PECAM1: variants seen among roughly 807,000 people sequenced by gnomAD.
PECAM1 encodes the protein platelet and endothelial cell adhesion molecule 1.
In PECAM1, 8 loss-of-function variants were observed where a neutral mutation model predicts 13.8. The observed-to-expected ratio is 0.58, with a 90% CI of 0.34 to 1.05. The LOEUF is 1.05. Ranked by LOEUF, PECAM1 falls within the 50% of genes least tolerant of loss-of-function variation. The pLI is 0.03. For missense variants in PECAM1, 304 were observed against 141.2 expected (o/e 2.15, Z -5.84); for synonymous variants, 136 against 52.6 (o/e 2.58, Z -6.86).
intron 2 of PECAM1, among the ~76,000 whole-genome samples, chr17:64,381,043 T>G (rs1294400241): frequency 1.3e-5 from 2 of 152,088 alleles, no homozygotes; most frequent in South Asian, 4.2e-4. Context: ...ATTTTACAAG[T>G]CAGCATAGTG....
chr17:64,390,035 C>CTCT (rs2036682186), intron 2 of PECAM1: 1 of 151,522 alleles, frequency 6.6e-6, no homozygotes, highest in Non-Finnish European at 1.5e-5. Context: ...GTAACAGAGA[C>CTCT]TCTGTCTCAA....
intron 14 of PECAM1, among the ~76,000 whole-genome samples, chr17:64,330,398 T>A (rs2035077067): frequency 6.6e-6 from 1 of 151,606 alleles, no homozygotes; most frequent in South Asian, 2.1e-4. Flanking sequence ...ATCCCAACAG[T>A]TGGAGAGGCT....
chr17:64,334,668 C>T (rs2035222104), intron 14 of PECAM1, among the ~76,000 whole-genome samples: 3 of 152,150 alleles, frequency 2.0e-5, no homozygotes, highest in Admixed American at 2.0e-4. Flanking sequence ...CCACCACGTC[C>T]AGCTAATTTT....
At chr17:64,377,332 G>A (rs2036382241) in intron 3 of PECAM1, among the ~76,000 whole-genome samples, 1 of 152,112 alleles carries the variant, frequency 6.6e-6, no homozygotes, top group South Asian at 2.1e-4. Flanking sequence ...TCTTGAAGAA[G>A]AAATTTTAAT....
At chr17:64,383,661 A>G (rs2036531326) in intron 2 of PECAM1, among the ~76,000 whole-genome samples, 1 of 152,116 alleles carries the variant, frequency 6.6e-6, no homozygotes, top group South Asian at 2.1e-4. Context: ...CCTCCCACTA[A>G]CCAGTCCTAG....
intron 13 of PECAM1, among the ~76,000 whole-genome samples, chr17:64,342,550 A>G (rs2143737306): frequency 6.6e-6 from 1 of 152,214 alleles, no homozygotes; most frequent in South Asian, 2.1e-4. Context: ...GGCTGTTTTC[A>G]CTGCTGGCTC....
chr17:64,361,609 T>A (rs2035981994), intron 6 of PECAM1, among the ~76,000 whole-genome samples: 3 of 151,364 alleles, frequency 2.0e-5, no homozygotes, highest in African/African-American at 7.3e-5. Flanking sequence ...CAAAATTAGC[T>A]GGGCAAGGTG....
chr17:64,386,474 G>A (rs1394881241), intron 2 of PECAM1, among the ~76,000 whole-genome samples: 1 of 151,572 alleles, frequency 6.6e-6, no homozygotes, highest in Non-Finnish European at 1.5e-5. Flanking sequence ...GCACAACACC[G>A]TGAATGTACT....
intron 7 of PECAM1, among the ~76,000 whole-genome samples, chr17:64,357,882 T>C (rs2035880793): frequency 6.6e-6 from 1 of 152,174 alleles, no homozygotes; most frequent in Non-Finnish European, 1.5e-5. Flanking sequence ...GAAGTCACCA[T>C]GCCTGCTCCC....
intron 13 of PECAM1, among the ~76,000 whole-genome samples, chr17:64,347,826 G>A (rs2035617779): frequency 6.7e-6 from 1 of 149,762 alleles, no homozygotes; most frequent in Admixed American, 6.8e-5. Flanking sequence ...TGCCTTCCGG[G>A]TTCAAGTGAT....
chr17:64,337,984 G>A (rs2035326741), intron 14 of PECAM1, among the ~76,000 whole-genome samples: 1 of 149,154 alleles, frequency 6.7e-6, no homozygotes, highest in Non-Finnish European at 1.5e-5. Flanking sequence ...TTGTTAATCT[G>A]TCTTGTGTAA....
At position 64,371,865 on chromosome 17, in the gene PECAM1, C is replaced by T. The variant is rs991549639; in HGVS notation, c.692-1840G>A. Among the ~76,000 whole-genome samples, 124 of 152,190 alleles carry T rather than the reference C, an allele frequency of 8.1e-4. 1 individual carries two copies. The highest frequency in any genetic ancestry group is 8.1e-3 in the Admixed American group (123 of 15,260). ...AAATAAATAAAATAAAGGGCTTGAA[C>T]AAATCCAACCAGGAACAATAAAAAT... is the stretch of plus-strand genomic sequence containing the variant. On this transcript the variant is annotated intron_variant, in intron 4 of 15. Coordinates refer to ENST00000563924, the MANE Select transcript of PECAM1 (RefSeq NM_000442.5).
At chr17:64,387,937 G>T (rs1224886176) in intron 2 of PECAM1, among the ~76,000 whole-genome samples, 2 of 152,170 alleles carry the variant, frequency 1.3e-5, no homozygotes, top group Non-Finnish European at 2.9e-5. Flanking sequence ...CTGGCCTAGG[G>T]GGCCTAAGGA....
chr17:64,327,566 G>A (rs149711660), intron 15 of PECAM1, among the ~76,000 whole-genome samples: 3 of 152,156 alleles, frequency 2.0e-5, no homozygotes, highest in Non-Finnish European at 4.4e-5. Context: ...CTTTCTTTCT[G>A]TAAGAAGGCA....
intron 3 of PECAM1, among the ~76,000 whole-genome samples, chr17:64,376,507 C>T (rs1229951974): frequency 6.6e-6 from 1 of 152,060 alleles, no homozygotes; most frequent in Admixed American, 6.6e-5. Context: ...TGAATGCAGC[C>T]ACAGGCTAGG....
chr17:64,364,340 C>T (rs2036052972), intron 5 of PECAM1, among the ~76,000 whole-genome samples: 1 of 151,912 alleles, frequency 6.6e-6, no homozygotes, highest in African/African-American at 2.4e-5. Flanking sequence ...CAATAGCTTA[C>T]CAACCAAAAA....
chr17:64,362,658 AT>A (rs1207572616), intron 6 of PECAM1, among the ~76,000 whole-genome samples: 3 of 151,552 alleles, frequency 2.0e-5, no homozygotes, highest in African/African-American at 7.3e-5. Flanking sequence ...TCTCAAAAAA[AT>A]AAATAAATAA....
At chr17:64,333,912 C>G (rs2143698944) in intron 14 of PECAM1, among the ~76,000 whole-genome samples, 1 of 130,686 alleles carries the variant, frequency 7.7e-6, no homozygotes, top group South Asian at 2.5e-4. Context: ...CCACTGCACT[C>G]CAGCCTGGGT....
rs1015737910 is a variant in PECAM1, at chr17:64,357,939, G to A, written c.1493-1541C>T. Among the ~76,000 whole-genome samples the A allele has an allele frequency of 5.3e-4, 80 of 152,090 alleles. 1 individual carries two copies. Among genetic ancestry groups the A allele is most frequent in the Admixed American group, 3.9e-3 (59 of 15,230 alleles). On this transcript the variant is annotated intron_variant, in intron 7 of 15. Coordinates refer to ENST00000563924, the MANE Select transcript of PECAM1 (RefSeq NM_000442.5). ...CGTTCCGAGAACTCATTTGCATCCT[G>A]TCCTTCCTTCCATCTTCTGGCTTTT...
Sources: allele counts gnomAD v4.1 joint callset (sites outside exome capture counted in the v4.1 genomes callset), GRCh38; gene constraint gnomAD v4.1.1; transcripts MANE v1.5; gene names NCBI Gene and HGNC (gene_info 2026-07-23, HGNC 2026-07-21).